Variants in ZBTB49 observed in about 807,000 individuals in gnomAD.
ZBTB49 encodes zinc finger and BTB domain-containing protein 49.
ZBTB49 carries 43 observed loss-of-function variants against 57.5 expected under a neutral mutation model. The ratio of observed to expected loss-of-function variants is 0.75; its 90% CI spans 0.59 to 0.97. The LOEUF (loss-of-function observed/expected upper bound fraction) is 0.97. Among genes scored for constraint, ZBTB49 ranks in the 50% least tolerant of loss-of-function variants. The pLI is 0.00. For synonymous variants in ZBTB49, 369 were observed against 362.1 expected (o/e 1.02, Z -0.22); for missense variants, 938 against 947.7 (o/e 0.99, Z 0.13).
Position 4,320,755 on chromosome 4 carries a change from G to A in ZBTB49, c.1737G>A (p.Arg579=). The change falls in exon 8 of 8, where the codon CGG becomes CGA. Residue 579 remains arginine, a synonymous_variant. Coordinates refer to ENST00000337872, the MANE Select transcript of ZBTB49 (RefSeq NM_145291.4). ...NKCFTRSAVL[R]RHKKMHCKAG... Reference sequence around the variant, plus strand: ...GCTTTACCCGCTCTGCGGTGCTCCGGCGGCACAAGAAGATGCACTGCAAAG... The same window carrying A: ...GCTTTACCCGCTCTGCGGTGCTCCGACGGCACAAGAAGATGCACTGCAAAG... 6.2e-7 allele frequency: 1 copy of A among 1,614,230 alleles called. No individual in the cohort carries two copies. The highest frequency in any genetic ancestry group is 8.5e-7 in the Non-Finnish European group (1 of 1,180,050).
chr4:4,290,472 C>G (rs1318437244), intron 1 of ZBTB49, 120 bp downstream of exon 1: 1 of 152,388 alleles, frequency 6.6e-6, no homozygotes, highest in Non-Finnish European at 1.5e-5. Context: ...CGCTCCTTCC[C>G]GTCTCTGGGC....
At position 4,299,716 on chromosome 4, in the gene ZBTB49, A is replaced by G. The variant is rs574272890; in HGVS notation, c.-19-211A>G. Among the ~76,000 whole-genome samples the G allele has an allele frequency of 3.9e-5, 6 of 152,066 alleles. No individual in the cohort carries two copies. In the South Asian group the frequency reaches 1.2e-3, roughly 32 times the overall value. On this transcript the variant is annotated intron_variant, in intron 1 of 7. Transcript: ENST00000337872. Reference sequence around the variant, plus strand: ...GTATTGAGCAGTGCAGATAGAGAGCATTTCCATCATGACAGGTAATTCTGT... The same window carrying G: ...GTATTGAGCAGTGCAGATAGAGAGCGTTTCCATCATGACAGGTAATTCTGT...
chr4:4,304,694 C>G (rs750509798), intron 3 of ZBTB49, among the ~76,000 whole-genome samples: 3 of 151,622 alleles, frequency 2.0e-5, no homozygotes, highest in Non-Finnish European at 4.4e-5. Flanking sequence ...TCTGGGGAAC[C>G]CTTTTTGGGG....
intron 2 of ZBTB49, among the ~76,000 whole-genome samples, chr4:4,301,513 G>A (rs1720471730): frequency 6.6e-6 from 1 of 151,876 alleles, no homozygotes; most frequent in Non-Finnish European, 1.5e-5. Context: ...ATGGTTTATG[G>A]CCTAAAATAT....
rs1360775343 is a variant in ZBTB49, at chr4:4,306,060, TAGG to T, written c.1256-74_1256-72del. 4.2e-6 allele frequency: 5 copies of T among 1,196,726 alleles called. No homozygotes were observed. The African/African-American group carries it at 4.5e-5, about 11-fold the overall frequency. The allele number at this position is 1,196,726 out of a possible 1,614,324, so 74.1% of individuals were successfully genotyped here. A position where few individuals can be genotyped will look rare whatever the true frequency, so the allele number is the denominator to read the frequency against. On this transcript the variant is annotated intron_variant, in intron 3 of 7. Transcript: ENST00000337872. ...AATGTAATGCCATTTTGAAAGTACATAGGAGGTCATTTAAACAAAAAATTATTG... is the reference window on the plus strand; with the variant it reads ...AATGTAATGCCATTTTGAAAGTACATAGGTCATTTAAACAAAAAATTATTG...
chr4:4,310,179 T>G (rs1275035870), intron 4 of ZBTB49, among the ~76,000 whole-genome samples: 1 of 152,234 alleles, frequency 6.6e-6, no homozygotes, highest in Admixed American at 6.5e-5. Context: ...CAGCATAGTT[T>G]TTCTGTTAAA....
intron 2 of ZBTB49, among the ~76,000 whole-genome samples, chr4:4,300,942 T>A (rs1179995571): frequency 6.6e-6 from 1 of 152,146 alleles, no homozygotes; most frequent in Non-Finnish European, 1.5e-5. Context: ...ACGTGGGACA[T>A]GATTTGCTCT....
intron 1 of ZBTB49, among the ~76,000 whole-genome samples, chr4:4,290,563 G>T (rs1719841526): frequency 6.6e-6 from 1 of 152,248 alleles, no homozygotes; most frequent in Admixed American, 6.5e-5. Context: ...CAGGGGACGC[G>T]GACTGAGACC....
chr4:4,304,321 G>A (rs1720647162), intron 3 of ZBTB49, among the ~76,000 whole-genome samples: 4 of 151,602 alleles, frequency 2.6e-5, no homozygotes, highest in Admixed American at 2.0e-4. Flanking sequence ...TGCCTCCTGG[G>A]TTCAATTGAT....
At chr4:4,319,797 G>A (rs1024839490) in intron 7 of ZBTB49, among the ~76,000 whole-genome samples, 6 of 151,494 alleles carry the variant, frequency 4.0e-5, no homozygotes, top group African/African-American at 1.2e-4. Context: ...CAGCCTGGGC[G>A]CCTCACTCCC....
intron 4 of ZBTB49, among the ~76,000 whole-genome samples, chr4:4,307,231 T>A: frequency 6.6e-6 from 1 of 152,164 alleles, no homozygotes; most frequent in Non-Finnish European, 1.5e-5. Flanking sequence ...TGGGGCCATG[T>A]CTTCTCTCCC....
rs1450009316 is a variant in ZBTB49 at position 4,303,004 on chromosome 4, C to A, written c.1168C>A (p.Gln390Lys). The change falls in exon 3 of 8, where the codon CAG becomes AAG. Residue 390 changes from glutamine to lysine, a missense_variant. Coordinates refer to ENST00000337872, the MANE Select transcript of ZBTB49 (RefSeq NM_145291.4). ...CCTGGAAGACCAGTCCCAGACACTT[C>A]AGTCCCAGAGACAATACGCGTGTGA... is the stretch of plus-strand genomic sequence containing the variant. ...AALEDQSQTLQSQRQYACELC... is the reference protein window; with the variant it reads ...AALEDQSQTLKSQRQYACELC... 1.2e-6 allele frequency: 2 copies of A among 1,614,230 alleles called. No homozygotes were observed.
Position 4,302,284 on chromosome 4 carries a change from G to A in ZBTB49, c.448G>A (p.Glu150Lys). 1 of 1,614,116 alleles carries A rather than the reference G, an allele frequency of 6.2e-7. No individual in the cohort carries two copies. Among genetic ancestry groups the A allele is most frequent in the South Asian group, 1.1e-5 (1 of 91,078 alleles). ...LTPDATCVIS[E>K]NYPPHLLQEC... ...CCCAGATGCCACTTGTGTTATCAGT[G>A]AAAACTACCCCCCTCATTTACTGCA... The change falls in exon 3 of 8, where the codon GAA (glutamate) becomes AAA (lysine). Residue 150 changes from glutamate to lysine, a missense_variant. Physicochemically the swap from Glu to Lys is moderately conservative, Grantham distance 56. Transcript: ENST00000337872.
chr4:4,301,965 A>C, intron 2 of ZBTB49, 24 bp from the exon 3 acceptor site: 1 of 1,486,908 alleles, frequency 6.7e-7, no homozygotes, highest in Non-Finnish European at 8.9e-7. Context: ...TGGCACTGTA[A>C]ACAGATATTC....
chr4:4,295,490 A>G lies in ZBTB49; in HGVS notation c.-19-4437A>G, dbSNP rs141108873. Reference sequence around the variant, plus strand: ...AGAGCCAAGCCATATCAGATATGATATGCTTAGCACAGGTCTGTGGTAAAT... The same window carrying G: ...AGAGCCAAGCCATATCAGATATGATGTGCTTAGCACAGGTCTGTGGTAAAT... On this transcript the variant is annotated intron_variant, in intron 1 of 7. Transcript: ENST00000337872. 2.6e-4 allele frequency among the ~76,000 whole-genome samples: 40 copies of G among 152,346 alleles called. 1 individual carries two copies. Among genetic ancestry groups the G allele is most frequent in the African/African-American group, 9.6e-4 (40 of 41,576 alleles).
At chr4:4,292,301 T>G (rs576664459) in intron 1 of ZBTB49, among the ~76,000 whole-genome samples, 40 of 152,152 alleles carry the variant, frequency 2.6e-4, no homozygotes, top group Admixed American at 1.8e-3. Flanking sequence ...AAAAAATAAC[T>G]CTGGTACAGT....
rs1417667976 is a variant in ZBTB49 at position 4,321,189 on chromosome 4, G to C, written c.2171G>C (p.Gly724Ala). 1 of 1,614,218 alleles carries C rather than the reference G, an allele frequency of 6.2e-7. No individual in the cohort carries two copies. The part of the protein sequence containing the change: ...SSLAALDNHG[G>A]DPLGSRASST... ...CTGGCTGCTTTGGACAACCACGGCG[G>C]TGACCCCCTGGGCAGTCGAGCATCT... is the stretch of plus-strand genomic sequence containing the variant. Residue 724 changes from glycine (G) to alanine (A), a missense_variant, in exon 8 of 8, where the codon GGT (glycine) becomes GCT (alanine). This residue lies in a region of ZBTB49 where 835 missense variants were observed against 819.1 expected (regional missense o/e 1.02). Transcript: ENST00000337872.
At chr4:4,301,157 C>G (rs545507012) in intron 2 of ZBTB49, among the ~76,000 whole-genome samples, 1 of 152,076 alleles carries the variant, frequency 6.6e-6, no homozygotes, top group Non-Finnish European at 1.5e-5. Flanking sequence ...GGCTGTTTTG[C>G]GCTTAAAAAC....
chr4:4,293,862 A>G (rs1577227718), intron 1 of ZBTB49, among the ~76,000 whole-genome samples: 1 of 133,184 alleles, frequency 7.5e-6, no homozygotes, highest in Non-Finnish European at 1.5e-5. Context: ...TTAGCTCTTT[A>G]AAGGCCTGGG....
Sources: allele counts gnomAD v4.1 joint callset (sites outside exome capture counted in the v4.1 genomes callset), GRCh38; gene constraint gnomAD v4.1.1; regional missense constraint gnomAD v4.1.1; transcripts MANE v1.5; gene names NCBI Gene and HGNC (gene_info 2026-07-23, HGNC 2026-07-21).